Variants in DYRK1A observed in about 807,000 individuals in gnomAD.
DYRK1A encodes the protein dual specificity tyrosine phosphorylation regulated kinase 1A.
In DYRK1A, 9 loss-of-function variants were observed where a neutral mutation model predicts 79.7. The observed-to-expected ratio is 0.11, with a 90% CI of 0.07 to 0.20. DYRK1A has a LOEUF of 0.20. Ranked by LOEUF, DYRK1A falls within the 10% of genes least tolerant of loss-of-function variation. The probability of loss-of-function intolerance (pLI) is 1.00; values close to 1 mark genes in which losing one functional copy is unlikely to be tolerated. For synonymous variants in DYRK1A, 349 were observed against 329.7 expected (o/e 1.06, Z -0.63); for missense variants, 622 against 956.0 (o/e 0.65, Z 4.61).
chr21:37,429,694 T>C (rs1173702301), intron 2 of DYRK1A, among the ~76,000 whole-genome samples: 1 of 152,220 alleles, frequency 6.6e-6, no homozygotes, highest in South Asian at 2.1e-4. Flanking sequence ...GGGACACATA[T>C]CCAAAACATA....
In DYRK1A at chr21:37,471,229, G is replaced by A. The variant is rs150840809; in HGVS notation, c.11-1455G>A. ...TGATGTAGATGAAAAGGTTGTGTTT[G>A]AGTATTCTGTTAGGAGAGGGAATGA... is the stretch of plus-strand genomic sequence containing the variant. On this transcript the variant is annotated intron_variant, in intron 2 of 11. Transcript: ENST00000647188. Among the ~76,000 whole-genome samples the A allele has an allele frequency of 4.8e-3, 724 of 152,340 alleles. 4 individuals carry two copies. The highest frequency in any genetic ancestry group is 0.044 in the Middle Eastern group (13 of 294).
Position 37,481,869 on chromosome 21 carries a change from G to T in DYRK1A, c.489+1043G>T, listed in dbSNP as rs574962936. 2.0e-4 allele frequency among the ~76,000 whole-genome samples: 30 copies of T among 152,076 alleles called. 1 individual carries two copies. Among genetic ancestry groups the T allele is most frequent in the Non-Finnish European group, 3.4e-4 (23 of 68,026 alleles). ...CATTTAAAAAAAAAAAATGTTAGGG[G>T]GATCTCTGGTTGTGGTCCCCCAGCT... On this transcript the variant is annotated intron_variant, in intron 5 of 11. Coordinates refer to ENST00000647188, the MANE Select transcript of DYRK1A (RefSeq NM_001347721.2).
At chr21:37,427,033 A>C (rs946276859) in intron 2 of DYRK1A, among the ~76,000 whole-genome samples, 10 of 152,236 alleles carry the variant, frequency 6.6e-5, no homozygotes, top group Admixed American at 2.6e-4. Context: ...TACAAATAAC[A>C]GGAGGCTCTG....
intron 1 of DYRK1A, among the ~76,000 whole-genome samples, chr21:37,417,535 T>C (rs111477065): frequency 9.3e-3 from 326 of 35,094 alleles, no homozygotes; most frequent in Non-Finnish European, 0.014. Context: ...TTTTCTTTTT[T>C]TTTTTTTTTT....
intron 11 of DYRK1A, 93 bp downstream of exon 11, chr21:37,506,316 T>C: frequency 6.2e-7 from 1 of 1,609,742 alleles, no homozygotes; most frequent in Non-Finnish European, 8.5e-7. Flanking sequence ...GACCGTATCA[T>C]TTACCCTAGA....
chr21:37,439,594 A>G (rs1322545449), intron 2 of DYRK1A, among the ~76,000 whole-genome samples: 2 of 152,166 alleles, frequency 1.3e-5, no homozygotes, highest in African/African-American at 4.8e-5. Context: ...TGCACATGCA[A>G]GGGATCCAGG....
chr21:37,403,815 C>G (rs570103238), intron 1 of DYRK1A, among the ~76,000 whole-genome samples: 4 of 145,706 alleles, frequency 2.7e-5, no homozygotes, highest in African/African-American at 1.0e-4. Flanking sequence ...TTTTTTTCTT[C>G]TCCTAAGAAG....
In DYRK1A at chr21:37,369,555, A is replaced by G. The variant is rs148164364; in HGVS notation, c.-77+1927A>G. Among the ~76,000 whole-genome samples, 204 of 152,370 alleles carry G rather than the reference A, an allele frequency of 1.3e-3. 2 individuals carry two copies. In the East Asian group the frequency reaches 0.015, roughly 11 times the overall value. ...AAGTTAAGGATTTCTGTCAATGTCTACACCTAGTTCTCTTGTTAAGACTAG... is the reference window on the plus strand; with the variant it reads ...AAGTTAAGGATTTCTGTCAATGTCTGCACCTAGTTCTCTTGTTAAGACTAG... On this transcript the variant is annotated intron_variant, in intron 1 of 11. Coordinates refer to ENST00000647188, the MANE Select transcript of DYRK1A (RefSeq NM_001347721.2).
At position 37,382,572 on chromosome 21, in the gene DYRK1A, A is replaced by T. The variant is rs1378815759; in HGVS notation, c.-77+14944A>T. On this transcript the variant is annotated intron_variant, in intron 1 of 11. Transcript: ENST00000647188. ...ATCACACTTACTTTACCAAGGTAAA[A>T]TAAAAACTTGGATCTTCAACCTTTT... is the stretch of plus-strand genomic sequence containing the variant. Among the ~76,000 whole-genome samples the T allele has an allele frequency of 5.3e-5, 8 of 152,194 alleles. No homozygotes were observed. In the South Asian group the frequency reaches 1.7e-3, roughly 31 times the overall value.
chr21:37,516,153 A>G lies in DYRK1A; in HGVS notation c.*3622A>G, dbSNP rs1029519999. The G allele has an allele frequency of 1.3e-5, 2 of 152,290 alleles. No homozygotes were observed. Among genetic ancestry groups the G allele is most frequent in the African/African-American group, 4.8e-5 (2 of 41,576 alleles). The allele number at this position is 152,290 out of a possible 1,614,324, so 9.4% of individuals were successfully genotyped here. On this transcript the variant is annotated 3_prime_UTR_variant, in exon 12 of 12. Transcript: ENST00000647188. ...CCCATAGACAGAATACAAGTTCAAG[A>G]CTCATTTTTATGTCCATTTTTATAG...
At chr21:37,382,108 C>A (rs886904114) in intron 1 of DYRK1A, among the ~76,000 whole-genome samples, 1 of 151,946 alleles carries the variant, frequency 6.6e-6, no homozygotes, top group South Asian at 2.1e-4. Flanking sequence ...TCACATAATT[C>A]CTGCAGGTCT....
At chr21:37,413,265 C>T (rs1040384138) in intron 1 of DYRK1A, among the ~76,000 whole-genome samples, 1 of 151,944 alleles carries the variant, frequency 6.6e-6, no homozygotes, top group South Asian at 2.1e-4. Context: ...TGTTATTTTT[C>T]TGTGTTTCTG....
intron 11 of DYRK1A, 137 bp from the exon 12 acceptor site, chr21:37,511,774 T>C: frequency 9.6e-7 from 1 of 1,046,754 alleles, no homozygotes; most frequent in Non-Finnish European, 1.4e-6. Context: ...TAAAACTGTC[T>C]TAACACATTA....
At chr21:37,475,024 G>C (rs375768683) in intron 3 of DYRK1A, among the ~76,000 whole-genome samples, 1 of 152,190 alleles carries the variant, frequency 6.6e-6, no homozygotes, top group Non-Finnish European at 1.5e-5. Flanking sequence ...AACAGTTTTT[G>C]AAAGGAGTCC....
At chr21:37,405,725 A>T (rs1431572168) in intron 1 of DYRK1A, among the ~76,000 whole-genome samples, 1 of 152,090 alleles carries the variant, frequency 6.6e-6, no homozygotes, top group Non-Finnish European at 1.5e-5. Context: ...TCCCTCCCTC[A>T]TAACTTTAGC....
At chr21:37,479,619 G>GTTTTTGTTTTTGTTTTTTTTTTTTTTT (rs2052550822) in intron 4 of DYRK1A, among the ~76,000 whole-genome samples, 1 of 73,896 alleles carries the variant, frequency 1.4e-5, no homozygotes, top group East Asian at 6.3e-4. Context: ...TTTGTTTTTT[G>GTTTTTGTTTTTGTTTTTTTTTTTTTTT]TTTTTTTTTT....
chr21:37,469,918 G>A (rs1214402541), intron 2 of DYRK1A, among the ~76,000 whole-genome samples: 2 of 152,160 alleles, frequency 1.3e-5, no homozygotes, highest in Non-Finnish European at 2.9e-5. Context: ...GGCTGAGGCG[G>A]GTGGATCACG....
At chr21:37,459,749 GTGT>G (rs1375317596) in intron 2 of DYRK1A, among the ~76,000 whole-genome samples, 3 of 152,172 alleles carry the variant, frequency 2.0e-5, no homozygotes, top group South Asian at 2.1e-4. Flanking sequence ...GTTGTTTCTT[GTGT>G]TGTTATATGG....
At chr21:37,500,744 TA>T (rs1348869976) in intron 9 of DYRK1A, among the ~76,000 whole-genome samples, 2 of 151,994 alleles carry the variant, frequency 1.3e-5, no homozygotes, top group African/African-American at 4.8e-5. Context: ...TTTGTTGGCG[TA>T]AACTTATCAA....
Sources: gnomAD v4.1 joint callset for allele counts (sites outside exome capture counted in the v4.1 genomes callset) on GRCh38, gnomAD v4.1.1 for gene constraint, MANE v1.5 for transcripts, NCBI Gene and HGNC (gene_info 2026-07-23, HGNC 2026-07-21) for gene names.